CA10: variants seen among roughly 807,000 people sequenced by gnomAD.
CA10 encodes carbonic anhydrase-related protein 10.
A neutral mutation model predicts 44.2 loss-of-function variants in CA10; 14 were observed. The observed-to-expected ratio is 0.32, with a 90% CI of 0.21 to 0.50. The LOEUF is 0.50. Ranked by LOEUF, CA10 falls within the 20% of genes least tolerant of loss-of-function variation. CA10 has a pLI of 0.99. For synonymous variants in CA10, 159 were observed against 141.6 expected, an observed-to-expected ratio of 1.12 and a Z score of -0.87; for missense variants, 350 against 409.7, an observed-to-expected ratio of 0.85 and a Z score of 1.26.
intron 3 of CA10, among the ~76,000 whole-genome samples, chr17:51,851,666 T>C (rs1185310085): frequency 6.6e-6 from 1 of 152,244 alleles, no homozygotes; most frequent in Non-Finnish European, 1.5e-5. Flanking sequence ...TCAAGGGTTG[T>C]ATCCACTTAT....
intron 3 of CA10, among the ~76,000 whole-genome samples, chr17:51,920,791 A>C (rs1982199967): frequency 6.6e-6 from 1 of 152,196 alleles, no homozygotes; most frequent in Non-Finnish European, 1.5e-5. Flanking sequence ...TTAGACTTTC[A>C]CATTTTGCTT....
chr17:52,116,957 G>T (rs1173786292), intron 1 of CA10, among the ~76,000 whole-genome samples: 1 of 152,124 alleles, frequency 6.6e-6, no homozygotes, highest in Non-Finnish European at 1.5e-5. Flanking sequence ...CACTGGTGAG[G>T]TTACTTTTGA....
intron 2 of CA10, among the ~76,000 whole-genome samples, chr17:52,006,075 G>C (rs1342086813): frequency 2.0e-5 from 3 of 151,954 alleles, no homozygotes; most frequent in African/African-American, 7.2e-5. Flanking sequence ...AAAGAGAGAT[G>C]ATGCTGAAGG....
chr17:51,944,862 A>G (rs140631692), intron 2 of CA10, among the ~76,000 whole-genome samples: 3 of 152,302 alleles, frequency 2.0e-5, no homozygotes, highest in African/African-American at 7.2e-5. Flanking sequence ...AGAGAATTAT[A>G]TTCTGTTAAA....
At chr17:51,789,533 G>T (rs955013806) in intron 3 of CA10, among the ~76,000 whole-genome samples, 1 of 152,194 alleles carries the variant, frequency 6.6e-6, no homozygotes. Flanking sequence ...AGCACATGCT[G>T]CATGGTTTAC....
intron 2 of CA10, among the ~76,000 whole-genome samples, chr17:52,057,798 A>C (rs762805474): frequency 5.3e-5 from 8 of 152,094 alleles, no homozygotes; most frequent in Non-Finnish European, 1.2e-4. Flanking sequence ...TTTCATTATT[A>C]TTATTAAATT....
At chr17:51,852,846 C>T (rs1275665654) in intron 3 of CA10, among the ~76,000 whole-genome samples, 1 of 152,160 alleles carries the variant, frequency 6.6e-6, no homozygotes, top group African/African-American at 2.4e-5. Context: ...TAATCATGTT[C>T]AGATTACTTA....
chr17:52,141,492 T>A (rs2143384463), intron 1 of CA10, among the ~76,000 whole-genome samples: 1 of 152,342 alleles, frequency 6.6e-6, no homozygotes, highest in African/African-American at 2.4e-5. Flanking sequence ...GATTCAACTG[T>A]TTCTCAGAAA....
At chr17:51,706,468 T>C (rs1350512933) in intron 4 of CA10, among the ~76,000 whole-genome samples, 2 of 152,230 alleles carry the variant, frequency 1.3e-5, no homozygotes, top group Admixed American at 6.5e-5. Context: ...GTTGCTTCTC[T>C]CTCCTTTTGC....
intron 1 of CA10, among the ~76,000 whole-genome samples, chr17:52,108,193 TTTATATATATATA>T (rs1988705464): frequency 2.6e-5 from 1 of 37,928 alleles, no homozygotes; most frequent in Admixed American, 3.5e-4. Context: ...ATATATATTT[TTTATATATATATA>T]TATATATATA....
intron 2 of CA10, among the ~76,000 whole-genome samples, chr17:52,005,692 A>C (rs203051): frequency 0.62 from 93,860 of 151,782 alleles, 29,763 homozygotes; most frequent in African/African-American, 0.7. Context: ...TGTTGATGTA[A>C]TGATAAACTT....
intron 2 of CA10, among the ~76,000 whole-genome samples, chr17:52,038,521 G>A (rs1217545996): frequency 1.3e-5 from 2 of 152,074 alleles, no homozygotes; most frequent in Admixed American, 6.6e-5. Context: ...ACTAAAGCAA[G>A]ATGTAAATAG....
Position 51,889,558 on chromosome 17 carries a change from A to C in CA10, c.279+41432T>G, listed in dbSNP as rs151098903. Among the ~76,000 whole-genome samples, 551 of 152,170 alleles carry C rather than the reference A, an allele frequency of 3.6e-3. 2 individuals carry two copies. Among genetic ancestry groups the C allele is most frequent in the African/African-American group, 0.012 (482 of 41,508 alleles). On this transcript the variant is annotated intron_variant, in intron 3 of 8. Coordinates refer to ENST00000451037, the MANE Select transcript of CA10 (RefSeq NM_020178.5). The stretch of plus-strand genomic sequence containing the variant: ...AAAACCAAACCAAACCAAACCAAAC[A>C]AAACAAAATAAAATAAAAAAGAATC...
chr17:51,839,308 C>T (rs1427359718), intron 3 of CA10, among the ~76,000 whole-genome samples: 4 of 151,926 alleles, frequency 2.6e-5, no homozygotes, highest in Non-Finnish European at 4.4e-5. Context: ...CTGGCTAACA[C>T]GGTGAAACCC....
intron 3 of CA10, among the ~76,000 whole-genome samples, chr17:51,865,683 G>A (rs1351342207): frequency 3.3e-5 from 5 of 152,176 alleles, no homozygotes. Flanking sequence ...TGAGAAGATG[G>A]GTGGTGAAAT....
At chr17:51,717,813 GTA>G (rs1916199091) in intron 4 of CA10, among the ~76,000 whole-genome samples, 3 of 8,522 alleles carry the variant, frequency 3.5e-4, no homozygotes, top group East Asian at 6.2e-3. Context: ...ATATATACAC[GTA>G]TATATATGTG....
intron 3 of CA10, among the ~76,000 whole-genome samples, chr17:51,767,064 A>C (rs184475707): frequency 5.6e-4 from 85 of 152,344 alleles, no homozygotes; most frequent in Admixed American, 3.2e-3. Context: ...CATTGACTAA[A>C]TCCAACTATT....
At chr17:51,989,431 C>T (rs1413008567) in intron 2 of CA10, among the ~76,000 whole-genome samples, 1 of 151,982 alleles carries the variant, frequency 6.6e-6, no homozygotes, top group Non-Finnish European at 1.5e-5. Context: ...GTTTTCTGTT[C>T]TTGTGTTAGT....
chr17:52,059,005 TG>T (rs1483420751), intron 2 of CA10, among the ~76,000 whole-genome samples: 1 of 152,104 alleles, frequency 6.6e-6, no homozygotes, highest in Non-Finnish European at 1.5e-5. Context: ...TCCCCATTTT[TG>T]GGGAAAAGAA....
Sources: allele counts gnomAD v4.1 joint callset (sites outside exome capture counted in the v4.1 genomes callset), GRCh38; gene constraint gnomAD v4.1.1; transcripts MANE v1.5; gene names NCBI Gene and HGNC (gene_info 2026-07-23, HGNC 2026-07-21).